The following NCOA7 variants were observed in gnomAD, a reference collection of about 807,000 sequenced individuals.
NCOA7 encodes the protein 140 kDa estrogen receptor-associated protein.
NCOA7 carries 45 observed loss-of-function variants against 104.3 expected under a neutral mutation model. The observed-to-expected ratio is 0.43, with a 90% CI of 0.34 to 0.55. The LOEUF (loss-of-function observed/expected upper bound fraction) is 0.55, where lower values mean the gene tolerates loss of function less well. Ranked by LOEUF, NCOA7 falls within the 20% of genes least tolerant of loss-of-function variation. The pLI is 0.02. For synonymous variants in NCOA7, 398 were observed against 402.3 expected (o/e 0.99, Z 0.13); for missense variants, 1,041 against 1,119.7 (o/e 0.93, Z 1.00).
At chr6:125,917,121 G>T (rs1456451677) in intron 11 of NCOA7, among the ~76,000 whole-genome samples, 1 of 151,946 alleles carries the variant, frequency 6.6e-6, no homozygotes, top group African/African-American at 2.4e-5. Flanking sequence ...ATAACTACCT[G>T]GGAATTTTAA....
At chr6:125,850,767 C>G (rs1781052114) in intron 2 of NCOA7, among the ~76,000 whole-genome samples, 6 of 152,224 alleles carry the variant, frequency 3.9e-5, no homozygotes. Context: ...TAATCCCAAA[C>G]ATGTTTTTGA....
At chr6:125,809,580 A>G (rs1199344913) in intron 1 of NCOA7, among the ~76,000 whole-genome samples, 1 of 152,198 alleles carries the variant, frequency 6.6e-6, no homozygotes, top group Admixed American at 6.5e-5. Flanking sequence ...GACCTTGTGT[A>G]ACATTGAAAT....
chr6:125,830,753 G>GTA (rs1554264633), intron 2 of NCOA7, among the ~76,000 whole-genome samples: 3 of 137,404 alleles, frequency 2.2e-5, no homozygotes, highest in Non-Finnish European at 5.0e-5. Flanking sequence ...GTGTGTGTGT[G>GTA]TGTGTGTATG....
intron 10 of NCOA7, among the ~76,000 whole-genome samples, chr6:125,911,595 T>G (rs1459591191): frequency 6.6e-6 from 1 of 152,196 alleles, no homozygotes; most frequent in Non-Finnish European, 1.5e-5. Context: ...TCCTAGGGGT[T>G]GCAGAAGGAT....
intron 2 of NCOA7, among the ~76,000 whole-genome samples, chr6:125,829,207 T>C (rs1030255584): frequency 6.6e-6 from 1 of 152,188 alleles, no homozygotes; most frequent in African/African-American, 2.4e-5. Flanking sequence ...TATTATAATA[T>C]GTCCTCTTTA....
intron 1 of NCOA7, among the ~76,000 whole-genome samples, chr6:125,782,672 C>T (rs1739387): frequency 6.6e-6 from 1 of 152,124 alleles, no homozygotes; most frequent in Non-Finnish European, 1.5e-5. Context: ...TTAAATATTT[C>T]TTCTGGCAGG....
chr6:125,783,340 A>C (rs1037050558), intron 1 of NCOA7, among the ~76,000 whole-genome samples: 1 of 152,216 alleles, frequency 6.6e-6, no homozygotes, highest in Non-Finnish European at 1.5e-5. Context: ...GAGACTGTAG[A>C]CCATTCTGTT....
intron 1 of NCOA7, among the ~76,000 whole-genome samples, chr6:125,806,324 G>T (rs1776447973): frequency 6.6e-6 from 1 of 152,274 alleles, no homozygotes; most frequent in East Asian, 1.9e-4. Flanking sequence ...CTGGATGACA[G>T]AGTGAGACTC....
At chr6:125,843,486 T>TA (rs1270952775) in intron 2 of NCOA7, among the ~76,000 whole-genome samples, 1 of 152,204 alleles carries the variant, frequency 6.6e-6, no homozygotes, top group Admixed American at 6.6e-5. Context: ...TTAACTATGT[T>TA]AAATAAGCTA....
At chr6:125,788,630 G>T (rs930974727), upstream of NCOA7, among the ~76,000 whole-genome samples, 2 of 150,814 alleles carry the variant, frequency 1.3e-5, no homozygotes, top group African/African-American at 4.9e-5. Flanking sequence ...CTGCATCCCG[G>T]TTTCTAGTGA....
intron 4 of NCOA7, among the ~76,000 whole-genome samples, chr6:125,875,694 CTTAAT>C (rs1176859923): frequency 7.2e-5 from 11 of 152,286 alleles, no homozygotes; most frequent in Admixed American, 3.3e-4. Flanking sequence ...TGTTGCTTAA[CTTAAT>C]TTATCTCAGT....
chr6:125,814,620 TG>T (rs1263049797), intron 1 of NCOA7, among the ~76,000 whole-genome samples: 1 of 152,188 alleles, frequency 6.6e-6, no homozygotes, highest in Non-Finnish European at 1.5e-5. Flanking sequence ...AAGTGGTATT[TG>T]AGGAAGCTTG....
chr6:125,882,610 T>G, intron 7 of NCOA7, 59 bp downstream of exon 7: 2 of 1,571,738 alleles, frequency 1.3e-6, no homozygotes, highest in Non-Finnish European at 8.7e-7. Flanking sequence ...TAAACAAAGT[T>G]ACAAATTACT....
intron 8 of NCOA7, among the ~76,000 whole-genome samples, chr6:125,885,762 C>G (rs1784205340): frequency 1.3e-5 from 2 of 152,134 alleles, no homozygotes; most frequent in South Asian, 2.1e-4. Context: ...AAAGCAGTCT[C>G]CCTGATTCAT....
At chr6:125,818,576 G>C (rs1260066303) in intron 2 of NCOA7, among the ~76,000 whole-genome samples, 2 of 151,876 alleles carry the variant, frequency 1.3e-5, no homozygotes, top group Non-Finnish European at 2.9e-5. Flanking sequence ...GTAGGAGCAG[G>C]GAGAGAGAGA....
At chr6:125,860,935 T>C (rs1387962386) in intron 3 of NCOA7, among the ~76,000 whole-genome samples, 1 of 152,198 alleles carries the variant, frequency 6.6e-6, no homozygotes, top group Non-Finnish European at 1.5e-5. Flanking sequence ...ATAGTGAAGT[T>C]GAATTTTAAG....
intron 2 of NCOA7, among the ~76,000 whole-genome samples, chr6:125,822,228 C>T (rs1176288891): frequency 6.6e-6 from 1 of 152,168 alleles, no homozygotes; most frequent in Non-Finnish European, 1.5e-5. Context: ...TCAGTCATAG[C>T]ACAGTTTTAA....
intron 7 of NCOA7, 131 bp from the exon 8 acceptor site, chr6:125,885,028 T>C (rs1237655003): frequency 1.2e-6 from 1 of 861,410 alleles, no homozygotes. Flanking sequence ...ACAAAGGGGA[T>C]GTAATTGTCA....
chr6:125,915,657 G>A (rs551855446), intron 11 of NCOA7, among the ~76,000 whole-genome samples, 177 bp downstream of exon 11: 2 of 151,886 alleles, frequency 1.3e-5, no homozygotes, highest in East Asian at 1.9e-4. Context: ...CAGCACCACC[G>A]CTATGTACAC....
Sources: gnomAD v4.1 joint callset for allele counts (sites outside exome capture counted in the v4.1 genomes callset) on GRCh38, gnomAD v4.1.1 for gene constraint, MANE v1.5 for transcripts, NCBI Gene and HGNC (gene_info 2026-07-23, HGNC 2026-07-21) for gene names.